The following C15orf39 variants were observed in gnomAD, a reference collection of about 807,000 sequenced individuals.
C15orf39 encodes the protein PRMT2 interacting protein, also known as uncharacterized protein C15orf39.
Under a neutral mutation model 53.9 loss-of-function variants are expected in C15orf39, and 24 were observed. That is an observed-to-expected ratio of 0.45 (90% CI 0.32 to 0.63). C15orf39 has a LOEUF of 0.63. Ranked by LOEUF, C15orf39 falls within the 20% of genes least tolerant of loss-of-function variation. The probability of loss-of-function intolerance (pLI) is 0.04; values close to 1 mark genes in which losing one functional copy is unlikely to be tolerated. For synonymous variants in C15orf39, 569 were observed against 576.5 expected (o/e 0.99, Z 0.19); for missense variants, 1,271 against 1,347.9 (o/e 0.94, Z 0.89).
In C15orf39 at chr15:75,208,568, C is replaced by G; in HGVS notation, c.2520C>G (p.Gly840=). Residue 840 remains glycine, a synonymous_variant, in exon 2 of 3, where the codon GGC becomes GGG. Transcript: ENST00000394987. ...CCTTCCCCCATGTGGTGCGAGCTGG[C>G]GCCATCTTCGTGCCCATTCACCTGG... ...RCPFPHVVRA[G]AIFVPIHLVK... is the part of the protein sequence containing the mutation. 1 of 1,573,078 alleles carries G rather than the reference C, an allele frequency of 6.4e-7. No individual in the cohort carries two copies. Among genetic ancestry groups the G allele is most frequent in the Non-Finnish European group, 8.6e-7 (1 of 1,159,952 alleles).
In C15orf39 at chr15:75,201,956, C is replaced by G. The variant is rs955173321; in HGVS notation, c.-154C>G. Reference sequence around the variant, plus strand: ...GCTTGGTGCTCACTGCGACTTCCCGCGCAGGGCCCGGTCGGACTAGGACCC... The same window carrying G: ...GCTTGGTGCTCACTGCGACTTCCCGGGCAGGGCCCGGTCGGACTAGGACCC... On this transcript the variant is annotated 5_prime_UTR_variant, in exon 1 of 3. Transcript: ENST00000394987. This position sits in a 1 kb window ranked among gnomAD's most constrained non-coding sequence, Gnocchi z 4.7. 1 of 152,038 alleles carries G rather than the reference C, an allele frequency of 6.6e-6. No individual in the cohort carries two copies. Among genetic ancestry groups the G allele is most frequent in the Non-Finnish European group, 1.5e-5 (1 of 67,986 alleles). 9.4% of individuals were successfully genotyped at this position (152,038 alleles called of 1,614,324 possible). A position where few individuals can be genotyped will look rare whatever the true frequency, so the allele number is the denominator to read the frequency against.
chr15:75,208,986 C>T (rs981220591), intron 2 of C15orf39, 162 bp downstream of exon 2: 31 of 1,240,054 alleles, frequency 2.5e-5, no homozygotes, highest in Non-Finnish European at 3.0e-5. Context: ...CCTTGACCCT[C>T]CAGACAATCA....
rs2070436346 is a variant in C15orf39, at chr15:75,206,200, C to G, written c.152C>G (p.Pro51Arg). The change falls in exon 2 of 3, where the codon CCC (proline) becomes CGC (arginine). Residue 51 changes from proline to arginine, a missense_variant. Pro to Arg is a moderately radical substitution (Grantham distance 103). Around this residue, in one of 2 missense-constraint regions of C15orf39, gnomAD observed 994 missense variants for 993.7 expected, o/e 1.00. Transcript: ENST00000394987. Reference sequence around the variant, plus strand: ...TACAAGGGGTCCTACTTCTCCTGCCCCATGGCAGGTACTCCTAAGGCCGAG... The same window carrying G: ...TACAAGGGGTCCTACTTCTCCTGCCGCATGGCAGGTACTCCTAAGGCCGAG... ...CTYKGSYFSCPMAGTPKAESE... is the reference protein window; with the variant it reads ...CTYKGSYFSCRMAGTPKAESE... The G allele has an allele frequency of 6.8e-6, 11 of 1,614,126 alleles. No homozygotes were observed. The highest frequency in any genetic ancestry group is 8.5e-6 in the Non-Finnish European group (10 of 1,179,984).
In C15orf39 at chr15:75,211,167, C is replaced by T; in HGVS notation, c.*51C>T. ...AGCAGTCACTCTCCACCCTTCCCTT[C>T]TGCCTGCCCAGCTGCCCCGGGGCCA... On this transcript the variant is annotated 3_prime_UTR_variant, in exon 3 of 3. Coordinates refer to ENST00000394987, the MANE Select transcript of C15orf39 (RefSeq NM_015492.5). 1 of 1,528,782 alleles carries T rather than the reference C, an allele frequency of 6.5e-7. No individual in the cohort carries two copies. Among genetic ancestry groups the T allele is most frequent in the Non-Finnish European group, 8.8e-7 (1 of 1,141,570 alleles). 94.7% of individuals were successfully genotyped at this position (1,528,782 alleles called of 1,614,324 possible).
chr15:75,201,067 C>T (rs577498363), upstream of C15orf39, among the ~76,000 whole-genome samples: 18 of 152,172 alleles, frequency 1.2e-4, no homozygotes, highest in Non-Finnish European at 2.5e-4. This position sits in a 1 kb window ranked among gnomAD's most constrained non-coding sequence, Gnocchi z 4.7. Context: ...ACACCTGTTC[C>T]CAGTCCTCGG....
rs2070450940 is a variant in C15orf39, at chr15:75,207,639, A to C, written c.1591A>C (p.Thr531Pro). Residue 531 changes from threonine to proline, a missense_variant, in exon 2 of 3, where the codon ACA (threonine) becomes CCA (proline). This residue lies in a region of C15orf39 where 994 missense variants were observed against 993.7 expected (regional missense o/e 1.00). Coordinates refer to ENST00000394987, the MANE Select transcript of C15orf39 (RefSeq NM_015492.5). ...PEATTEPDSA[T>P]AEPDSAPATS... ...GGCCACAACTGAGCCTGACTCTGCCACAGCTGAGCCTGACTCAGCCCCAGC... is the reference window on the plus strand; with the variant it reads ...GGCCACAACTGAGCCTGACTCTGCCCCAGCTGAGCCTGACTCAGCCCCAGC... 6.2e-7 allele frequency: 1 copy of C among 1,612,122 alleles called. No individual in the cohort carries two copies. Among genetic ancestry groups the C allele is most frequent in the Non-Finnish European group, 8.5e-7 (1 of 1,179,626 alleles).
At chr15:75,199,673 G>A (rs1209151661), upstream of C15orf39, among the ~76,000 whole-genome samples, 1 of 152,188 alleles carries the variant, frequency 6.6e-6, no homozygotes, top group Admixed American at 6.5e-5. Context: ...TGTCTGGGGT[G>A]GGGTGGAAGA....
chr15:75,205,434 G>A (rs2070430846), intron 1 of C15orf39, among the ~76,000 whole-genome samples: 1 of 152,176 alleles, frequency 6.6e-6, no homozygotes, highest in South Asian at 2.1e-4. Flanking sequence ...TTGTATGGAG[G>A]AAAATCGAAC....
At position 75,208,211 on chromosome 15, in the gene C15orf39, T is replaced by TGCTCCA; in HGVS notation, c.2170_2175dup (p.Ala724_Pro725dup). ...CCGTAGCTGTGGCCTCCCCTGCCCC[T>TGCTCCA]GCTCCAGCTCCATCCCCTGCTCCGG... On this transcript the variant is annotated inframe_insertion, in exon 2 of 3. Transcript: ENST00000394987. 6.2e-7 allele frequency: 1 copy of TGCTCCA among 1,613,620 alleles called. No individual in the cohort carries two copies. Among genetic ancestry groups the TGCTCCA allele is most frequent in the Non-Finnish European group, 8.5e-7 (1 of 1,179,910 alleles).
At chr15:75,200,303 T>A (rs754289032), upstream of C15orf39, among the ~76,000 whole-genome samples, 2 of 152,252 alleles carry the variant, frequency 1.3e-5, no homozygotes, top group African/African-American at 2.4e-5. Flanking sequence ...TCAGCAGTGC[T>A]GCAAATCTTA....
Position 75,206,854 on chromosome 15 carries a change from A to AAC in C15orf39, c.806_807insAC (p.Tyr269Ter). The change falls in exon 2 of 3, where the codon TAC becomes TAACC. Residue 269 changes from tyrosine to a stop codon, truncating the protein, a stop_gained and frameshift_variant. Transcript: ENST00000394987. LOFTEE classifies it high-confidence loss of function. ...TGTCAGGACACCGGGCCCACCCACT[A>AAC]CCCACCACCCCACCACCCACCACCC... ...PPCQDTGPTH[Y>*]PPPHHPPPHP... is the part of the protein sequence containing the mutation. 2.2e-5 allele frequency: 31 copies of AAC among 1,432,746 alleles called. No homozygotes were observed. The highest frequency in any genetic ancestry group is 2.5e-5 in the Non-Finnish European group (27 of 1,059,998). 88.8% of individuals were successfully genotyped at this position (1,432,746 alleles called of 1,614,324 possible). A position where few individuals can be genotyped will look rare whatever the true frequency, so the allele number is the denominator to read the frequency against.
At chr15:75,199,432 C>T (rs1357181731), upstream of C15orf39, among the ~76,000 whole-genome samples, 1 of 152,098 alleles carries the variant, frequency 6.6e-6, no homozygotes, top group Non-Finnish European at 1.5e-5. Flanking sequence ...TGCTGTGTGT[C>T]TTAGGGAAAG....
intron 1 of C15orf39, among the ~76,000 whole-genome samples, chr15:75,203,589 C>T (rs937905983): frequency 2.6e-5 from 4 of 152,296 alleles, no homozygotes; most frequent in Admixed American, 6.5e-5. Context: ...CACAAAGACT[C>T]CTGAGGGTCC....
At position 75,206,505 on chromosome 15, in the gene C15orf39, A is replaced by C; in HGVS notation, c.457A>C (p.Arg153=). 6.2e-7 allele frequency: 1 copy of C among 1,614,038 alleles called. No homozygotes were observed. The highest frequency in any genetic ancestry group is 8.5e-7 in the Non-Finnish European group (1 of 1,179,980). The change falls in exon 2 of 3, where the codon AGG becomes CGG. Residue 153 remains arginine, a synonymous_variant. Coordinates refer to ENST00000394987, the MANE Select transcript of C15orf39 (RefSeq NM_015492.5). ...TTGTCTGGGGGAAGGAGCAGTGAAG[A>C]GGCCACTGGATGTTGACTGGACTCT... ...STCLGEGAVK[R]PLDVDWTLAT...
At position 75,211,181 on chromosome 15, in the gene C15orf39, G is replaced by GC. The variant is rs1184421102; in HGVS notation, c.*69dup. The GC allele has an allele frequency of 2.0e-6, 3 of 1,518,804 alleles. No homozygotes were observed. Among genetic ancestry groups the GC allele is most frequent in the Non-Finnish European group, 1.8e-6 (2 of 1,137,248 alleles). The allele number at this position is 1,518,804 out of a possible 1,614,324, so 94.1% of individuals were successfully genotyped here. On this transcript the variant is annotated 3_prime_UTR_variant, in exon 3 of 3. Coordinates refer to ENST00000394987, the MANE Select transcript of C15orf39 (RefSeq NM_015492.5). ...ACCCTTCCCTTCTGCCTGCCCAGCTGCCCCGGGGCCACGAGTGGATGCTGG... is the reference window on the plus strand; with the variant it reads ...ACCCTTCCCTTCTGCCTGCCCAGCTGCCCCCGGGGCCACGAGTGGATGCTGG...
chr15:75,204,857 C>G (rs966788001), intron 1 of C15orf39, among the ~76,000 whole-genome samples: 23 of 152,178 alleles, frequency 1.5e-4, no homozygotes, highest in African/African-American at 5.1e-4. Flanking sequence ...TTGGCCCCAC[C>G]CTGCCATGTG....
rs1230430984 is a variant in C15orf39, at chr15:75,208,316, T to C, written c.2268T>C (p.Thr756=). 49 of 1,576,348 alleles carry C rather than the reference T, an allele frequency of 3.1e-5. No homozygotes were observed. Among genetic ancestry groups the C allele is most frequent in the Non-Finnish European group, 4.2e-5 (49 of 1,160,710 alleles). ...TTGCAGGCCCTGCTCCAGCATCTAC[T>C]TCAGCCCCAGGGGACTCCCTGGAGC... ...APVAGPAPAS[T]SAPGDSLEQH... Residue 756 remains threonine (T), a synonymous_variant, in exon 2 of 3, where the codon ACT becomes ACC. Transcript: ENST00000394987.
In C15orf39 at chr15:75,207,519, G is replaced by A; in HGVS notation, c.1471G>A (p.Gly491Ser). 1.2e-6 allele frequency: 2 copies of A among 1,612,258 alleles called. No individual in the cohort carries two copies. The highest frequency in any genetic ancestry group is 1.3e-5 in the African/African-American group (1 of 74,512). Reference sequence around the variant, plus strand: ...GTGCCAGTCTCTTCCACAGAAGGAGGGCGCAAGGCCACCCAGCTCTCCACC... The same window carrying A: ...GTGCCAGTCTCTTCCACAGAAGGAGAGCGCAAGGCCACCCAGCTCTCCACC... ...RECQSLPQKE[G>S]ARPPSSPPMP... Residue 491 changes from glycine to serine, a missense_variant, in exon 2 of 3, where the codon GGC becomes AGC. Coordinates refer to ENST00000394987, the MANE Select transcript of C15orf39 (RefSeq NM_015492.5).
rs748390689 is a variant in C15orf39, at chr15:75,211,134, G to C, written c.*18G>C. On this transcript the variant is annotated 3_prime_UTR_variant, in exon 3 of 3. Transcript: ENST00000394987. The stretch of plus-strand genomic sequence containing the variant: ...ACCTGTAGCACTGGTTGCCAGTGCT[G>C]TGTGTATAGCAGTCACTCTCCACCC... 16 of 1,583,480 alleles carry C rather than the reference G, an allele frequency of 1.0e-5. No individual in the cohort carries two copies. Among genetic ancestry groups the C allele is most frequent in the Non-Finnish European group, 1.4e-5 (16 of 1,170,690 alleles).
Sources: allele counts gnomAD v4.1 joint callset (sites outside exome capture counted in the v4.1 genomes callset), GRCh38; gene constraint gnomAD v4.1.1; regional missense constraint gnomAD v4.1.1; non-coding constraint Gnocchi (gnomAD v3.1); transcripts MANE v1.5; gene names NCBI Gene and HGNC (gene_info 2026-07-23, HGNC 2026-07-21).